Variants in KIF1A observed in about 807,000 individuals in gnomAD.
KIF1A encodes kinesin family member 1A.
Under a neutral mutation model 227.3 loss-of-function variants are expected in KIF1A, and 46 were observed. The ratio of observed to expected loss-of-function variants is 0.20; its 90% CI spans 0.16 to 0.26. The LOEUF (loss-of-function observed/expected upper bound fraction) is 0.26. Among genes scored for constraint, KIF1A ranks in the 10% least tolerant of loss-of-function variants. The pLI, the probability that KIF1A is intolerant of heterozygous loss-of-function variation, is 1.00. For missense variants in KIF1A, 1,683 were observed against 2,485.9 expected (o/e 0.68, Z 6.87); for synonymous variants, 1,022 against 1,012.8 (o/e 1.01, Z -0.17).
chr2:240,761,865 G>C (rs1407133910), intron 23 of KIF1A, among the ~76,000 whole-genome samples: 1 of 152,142 alleles, frequency 6.6e-6, no homozygotes, highest in Non-Finnish European at 1.5e-5. Context: ...GTGGGGAGCA[G>C]GGCCCACAGG....
rs775566341 is a variant in KIF1A, at chr2:240,737,102, A to G, written c.3968T>C (p.Ile1323Thr). ...LIDPNILSLN[I>T]LSSGYIHPAQ... Reference sequence around the variant, plus strand: ...TGGGTGGATGTATCCGGAAGAGAGGATGTTGAGAGACAAGATGTTGGGGTC... The same window carrying G: ...TGGGTGGATGTATCCGGAAGAGAGGGTGTTGAGAGACAAGATGTTGGGGTC... The change falls in exon 38 of 49, where the codon ATC (isoleucine) becomes ACC (threonine). Residue 1323 changes from isoleucine to threonine, a missense_variant. Physicochemically the swap from Ile to Thr is moderately conservative, Grantham distance 89. Transcript: ENST00000498729. The G allele has an allele frequency of 6.2e-7, 1 of 1,613,558 alleles. No homozygotes were observed. The highest frequency in any genetic ancestry group is 8.5e-7 in the Non-Finnish European group (1 of 1,179,646).
In KIF1A at chr2:240,722,326, A is replaced by T. The variant is rs1004058491; in HGVS notation, c.4665+130T>A. On this transcript the variant is annotated intron_variant, in intron 43 of 48. Coordinates refer to ENST00000498729, the MANE Select transcript of KIF1A (RefSeq NM_001244008.2). ...GCAAGGGGACCCTAGGGACCCCTCA[A>T]GCTCCTAGCTCCTGGTGGTGCTAAC... is the stretch of plus-strand genomic sequence containing the variant. The T allele has an allele frequency of 8.2e-6, 7 of 853,246 alleles. No individual in the cohort carries two copies. The African/African-American group carries it at 1.2e-4, about 15-fold the overall frequency. The allele number at this position is 853,246 out of a possible 1,614,324, so 52.9% of individuals were successfully genotyped here.
At chr2:240,742,032 G>C (rs559075166) in intron 34 of KIF1A, among the ~76,000 whole-genome samples, 3 of 152,326 alleles carry the variant, frequency 2.0e-5, no homozygotes, top group Admixed American at 2.0e-4. Context: ...CAGGCTGTGG[G>C]GAGGACTGAA....
intron 38 of KIF1A, among the ~76,000 whole-genome samples, chr2:240,733,699 GC>G (rs1201063719): frequency 6.6e-6 from 1 of 152,216 alleles, no homozygotes; most frequent in Admixed American, 6.5e-5. Context: ...TGCTGGCCAA[GC>G]CCCACTGCCC....
intron 28 of KIF1A, among the ~76,000 whole-genome samples, chr2:240,749,918 C>T (rs1387087587): frequency 1.3e-5 from 2 of 152,106 alleles, no homozygotes; most frequent in African/African-American, 4.8e-5. Context: ...GGAGGGCTGC[C>T]CTGAGCAGGG....
chr2:240,806,211 G>T (rs1024651501), intron 1 of KIF1A, among the ~76,000 whole-genome samples: 27 of 152,240 alleles, frequency 1.8e-4, no homozygotes, highest in African/African-American at 6.5e-4. Context: ...GGTGGTCAGA[G>T]TTTGGGTGGG....
intron 2 of KIF1A, among the ~76,000 whole-genome samples, chr2:240,797,090 C>T (rs1211874121): frequency 6.6e-6 from 1 of 152,234 alleles, no homozygotes; most frequent in Non-Finnish European, 1.5e-5. Context: ...GAGGCCCCAG[C>T]ACAAACTGCC....
rs1249915272 is a variant in KIF1A at position 240,804,233 on chromosome 2, T to G, written c.-60-6421A>C. On this transcript the variant is annotated intron_variant, in intron 1 of 48. Coordinates refer to ENST00000498729, the MANE Select transcript of KIF1A (RefSeq NM_001244008.2). ...GTGAGCCACGATCACGCCACTGCAC[T>G]CCAGCCTGGGTGACAGAGCGAGACT... Among the ~76,000 whole-genome samples, 13 of 152,184 alleles carry G rather than the reference T, an allele frequency of 8.5e-5. No homozygotes were observed. In the East Asian group the frequency reaches 2.5e-3, roughly 29 times the overall value.
At chr2:240,808,205 C>T (rs1403971911) in intron 1 of KIF1A, among the ~76,000 whole-genome samples, 2 of 152,010 alleles carry the variant, frequency 1.3e-5, no homozygotes, top group Non-Finnish European at 2.9e-5. Flanking sequence ...AGAAAGAAAC[C>T]AAACTGTCAT....
rs368803931 is a variant in KIF1A, at chr2:240,788,042, G to A, written c.363+9C>T. ...CCAGGGCTGCCCCCGCCCGCCCCCCGCTTCGTGCCTGTGGGATGATGCCCT... is the reference window on the plus strand; with the variant it reads ...CCAGGGCTGCCCCCGCCCGCCCCCCACTTCGTGCCTGTGGGATGATGCCCT... On this transcript the variant is annotated intron_variant, in intron 4 of 48. Coordinates refer to ENST00000498729, the MANE Select transcript of KIF1A (RefSeq NM_001244008.2). This position sits in a 1 kb window ranked among gnomAD's most constrained non-coding sequence, Gnocchi z 6.6. The A allele has an allele frequency of 4.5e-5, 30 of 673,888 alleles. No individual in the cohort carries two copies. The highest frequency in any genetic ancestry group is 1.5e-4 in the African/African-American group (6 of 41,156). The allele number at this position is 673,888 out of a possible 1,614,324, so 41.7% of individuals were successfully genotyped here.
Position 240,820,166 on chromosome 2 carries a change from G to C in KIF1A, c.-105C>G, listed in dbSNP as rs1297354259. The C allele has an allele frequency of 1.3e-5, 2 of 149,304 alleles. No individual in the cohort carries two copies. Among genetic ancestry groups the C allele is most frequent in the East Asian group, 2.0e-4 (1 of 5,104 alleles). The allele number at this position is 149,304 out of a possible 1,614,324, so 9.2% of individuals were successfully genotyped here. A position where few individuals can be genotyped will look rare whatever the true frequency, so the allele number is the denominator to read the frequency against. On this transcript the variant is annotated 5_prime_UTR_variant, in exon 1 of 49. Transcript: ENST00000498729. The surrounding 1 kb of genome is among the most constrained non-coding windows in gnomAD (Gnocchi z 6.2). ...GCGGCCCCGCATGGGCACTGGCATG[G>C]GCGCGGGCTCTCGAGCCCGGAGCTG... is the stretch of plus-strand genomic sequence containing the variant.
At chr2:240,798,785 C>T (rs1324355168) in intron 1 of KIF1A, among the ~76,000 whole-genome samples, 3 of 152,184 alleles carry the variant, frequency 2.0e-5, no homozygotes, top group African/African-American at 7.2e-5. Context: ...GGGACAGCCT[C>T]GGGACAGAGC....
rs191264819 is a variant in KIF1A at position 240,789,691 on chromosome 2, C to T, written c.107-379G>A. Among the ~76,000 whole-genome samples the T allele has an allele frequency of 7.9e-4, 121 of 152,330 alleles. No individual in the cohort carries two copies. In the Middle Eastern group the frequency reaches 0.014, roughly 17 times the overall value. The stretch of plus-strand genomic sequence containing the variant: ...TCACAGCCCCTGCCCTGCCCCGCCC[C>T]CTGCTCAGGCCTTTATGCTCCGGCT... On this transcript the variant is annotated intron_variant, in intron 2 of 48. Transcript: ENST00000498729. The surrounding 1 kb of genome is among the most constrained non-coding windows in gnomAD (Gnocchi z 4.8).
At chr2:240,781,716 C>T (rs2054046976) in intron 10 of KIF1A, 2 of 973,730 alleles carry the variant, frequency 2.1e-6, no homozygotes, top group East Asian at 2.3e-4. Flanking sequence ...GTGCCGTTTC[C>T]CACACGCTTC....
rs904479692 is a variant in KIF1A, at chr2:240,778,141, T to A, written c.883-2215A>T. 6.6e-6 allele frequency among the ~76,000 whole-genome samples: 1 copy of A among 152,004 alleles called. No individual in the cohort carries two copies. Among genetic ancestry groups the A allele is most frequent in the Non-Finnish European group, 1.5e-5 (1 of 67,982 alleles). On this transcript the variant is annotated intron_variant, in intron 10 of 48. Coordinates refer to ENST00000498729, the MANE Select transcript of KIF1A (RefSeq NM_001244008.2). The surrounding 1 kb of genome is among the most constrained non-coding windows in gnomAD (Gnocchi z 7.2). ...TCCTGCTTCCCCCTTTATTCCTCCA[T>A]TCAGGAAAACGGCAGTCACTCGAAT...
chr2:240,739,548 C>T lies in KIF1A; in HGVS notation c.3901+510G>A, dbSNP rs928973171. On this transcript the variant is annotated intron_variant, in intron 37 of 48. Coordinates refer to ENST00000498729, the MANE Select transcript of KIF1A (RefSeq NM_001244008.2). The surrounding 1 kb of genome is among the most constrained non-coding windows in gnomAD (Gnocchi z 5.6). ...CCTGGAGCAGGATGGGCCTCTAATC[C>T]AACCTGCCTGGTGTCCTTAGGAGAA... is the stretch of plus-strand genomic sequence containing the variant. 2.0e-5 allele frequency among the ~76,000 whole-genome samples: 3 copies of T among 152,110 alleles called. No individual in the cohort carries two copies. The highest frequency in any genetic ancestry group is 4.4e-5 in the Non-Finnish European group (3 of 68,030).
At chr2:240,732,317 A>G in intron 38 of KIF1A, among the ~76,000 whole-genome samples, 1 of 104,674 alleles carries the variant, frequency 9.6e-6, no homozygotes, top group South Asian at 4.1e-4. Context: ...GGAGGAGGGG[A>G]TGAGGAAATG....
At chr2:240,807,128 G>GTATATATATATATATATA (rs1187764562) in intron 1 of KIF1A, among the ~76,000 whole-genome samples, 3 of 91,048 alleles carry the variant, frequency 3.3e-5, no homozygotes, top group African/African-American at 1.3e-4. Flanking sequence ...GTGTGTGTGT[G>GTATATATATATATATATA]TGTATATATA....
intron 1 of KIF1A, among the ~76,000 whole-genome samples, chr2:240,802,745 C>T (rs2057076552): frequency 6.6e-6 from 1 of 152,182 alleles, no homozygotes; most frequent in African/African-American, 2.4e-5. Context: ...AATCCTCCTG[C>T]CTCAGCTTCT....
Sources: allele counts gnomAD v4.1 joint callset (sites outside exome capture counted in the v4.1 genomes callset), GRCh38; gene constraint gnomAD v4.1.1; non-coding constraint Gnocchi (gnomAD v3.1); transcripts MANE v1.5; gene names NCBI Gene and HGNC (gene_info 2026-07-23, HGNC 2026-07-21).